PALM2AKAP2: variants seen among roughly 807,000 people sequenced by gnomAD.
PALM2AKAP2 encodes the protein PALM2 and AKAP2 fusion.
Under a neutral mutation model 71.5 loss-of-function variants are expected in PALM2AKAP2, and 37 were observed. The ratio of observed to expected loss-of-function variants is 0.52; its 90% confidence interval spans 0.40 to 0.68. PALM2AKAP2 has a LOEUF of 0.68. PALM2AKAP2 is among the 30% of genes least tolerant of loss of function. PALM2AKAP2 has a pLI of 0.00. For missense variants in PALM2AKAP2, 1,224 were observed against 1,191.8 expected, an observed-to-expected ratio of 1.03 and a Z score of -0.40; for synonymous variants, 468 against 478.8, an observed-to-expected ratio of 0.98 and a Z score of 0.29.
chr9:109,697,017 C>A (rs1439703228), intron 1 of PALM2AKAP2, among the ~76,000 whole-genome samples: 3 of 152,166 alleles, frequency 2.0e-5, no homozygotes, highest in Admixed American at 2.0e-4. Flanking sequence ...TAACTTTTCT[C>A]TCTGGTTTCT....
At chr9:109,962,123 A>C (rs1448476262) in intron 6 of PALM2AKAP2, among the ~76,000 whole-genome samples, 1 of 152,240 alleles carries the variant, frequency 6.6e-6, no homozygotes, top group Non-Finnish European at 1.5e-5. Flanking sequence ...GGTGCTGCCC[A>C]AGTCCTGAAC....
At chr9:109,929,501 G>C (rs1420183444) in intron 5 of PALM2AKAP2, among the ~76,000 whole-genome samples, 1 of 152,126 alleles carries the variant, frequency 6.6e-6, no homozygotes, top group African/African-American at 2.4e-5. Flanking sequence ...GTTCTGCCTT[G>C]TGCTGCTTTG....
At chr9:110,031,438 A>T (rs1833275618) in intron 7 of PALM2AKAP2, among the ~76,000 whole-genome samples, 1 of 152,124 alleles carries the variant, frequency 6.6e-6, no homozygotes, top group African/African-American at 2.4e-5. Flanking sequence ...CCAGAGTGTG[A>T]GTTTTGATCT....
chr9:109,830,247 G>A (rs1394077378), intron 1 of PALM2AKAP2, among the ~76,000 whole-genome samples: 2 of 152,144 alleles, frequency 1.3e-5, no homozygotes, highest in Admixed American at 6.5e-5. Flanking sequence ...GATTATAGAC[G>A]ATTTTTACTT....
chr9:110,037,578 A>G, intron 7 of PALM2AKAP2, among the ~76,000 whole-genome samples: 1 of 152,210 alleles, frequency 6.6e-6, no homozygotes, highest in East Asian at 1.9e-4. Context: ...AAAAGAGACC[A>G]GGTCTTGTAC....
chr9:109,829,804 A>C (rs970077365), intron 1 of PALM2AKAP2, among the ~76,000 whole-genome samples: 9 of 151,948 alleles, frequency 5.9e-5, no homozygotes, highest in African/African-American at 2.2e-4. Context: ...AAATCAGTCG[A>C]TCCTTCATTT....
intron 6 of PALM2AKAP2, among the ~76,000 whole-genome samples, chr9:109,984,696 CTT>C (rs35425431): frequency 0.02 from 2,729 of 136,674 alleles, 25 homozygotes; most frequent in African/African-American, 0.023. Context: ...AGCTCTATAA[CTT>C]TTTTTTTTTT....
chr9:109,780,184 C>A (rs1221022498), upstream of PALM2AKAP2: 12 of 678,400 alleles, frequency 1.8e-5, no homozygotes, highest in Non-Finnish European at 2.2e-5. Context: ...CGCGCCCTCC[C>A]GGCGGCTGCC....
chr9:109,760,120 C>CTAG (rs2118732563), intron 1 of PALM2AKAP2, among the ~76,000 whole-genome samples: 1 of 152,226 alleles, frequency 6.6e-6, no homozygotes, highest in East Asian at 1.9e-4. Context: ...TTTGCCTATT[C>CTAG]CAGAATGTTG....
intron 1 of PALM2AKAP2, among the ~76,000 whole-genome samples, chr9:110,055,170 G>GTT (rs34263454): frequency 1.8e-4 from 27 of 147,742 alleles, no homozygotes; most frequent in Admixed American, 2.7e-4. Context: ...TAGTTTTTTA[G>GTT]TTTTTTTTTT....
chr9:109,977,272 A>G (rs1056645927), intron 6 of PALM2AKAP2, among the ~76,000 whole-genome samples: 2 of 152,208 alleles, frequency 1.3e-5, no homozygotes, highest in Non-Finnish European at 2.9e-5. Flanking sequence ...CTTAGTATAT[A>G]GATCAGGATC....
chr9:109,878,997 A>G (rs899882611), intron 2 of PALM2AKAP2, among the ~76,000 whole-genome samples: 3 of 152,232 alleles, frequency 2.0e-5, no homozygotes, highest in Admixed American at 1.3e-4. Context: ...TTGGCCTCCC[A>G]AAGTGTTGGG....
chr9:109,674,463 G>A (rs1827620471), intron 1 of PALM2AKAP2, among the ~76,000 whole-genome samples: 1 of 151,984 alleles, frequency 6.6e-6, no homozygotes, highest in African/African-American at 2.4e-5. Flanking sequence ...TCTGAAGACT[G>A]TTGAACTTTC....
At chr9:110,161,716 A>G (rs1186857619) in intron 3 of PALM2AKAP2, among the ~76,000 whole-genome samples, 1 of 152,150 alleles carries the variant, frequency 6.6e-6, no homozygotes, top group African/African-American at 2.4e-5. Context: ...CGGGAAGAGA[A>G]AAGGCTATTT....
chr9:109,814,591 C>G (rs1827806170), intron 1 of PALM2AKAP2, among the ~76,000 whole-genome samples: 1 of 152,118 alleles, frequency 6.6e-6, no homozygotes, highest in African/African-American at 2.4e-5. Flanking sequence ...GATTCAAGGA[C>G]AGTGCAGTGG....
intron 3 of PALM2AKAP2, among the ~76,000 whole-genome samples, chr9:110,163,871 A>G (rs1836665211): frequency 6.6e-6 from 1 of 152,196 alleles, no homozygotes; most frequent in Non-Finnish European, 1.5e-5. Flanking sequence ...TTATGTACCT[A>G]TGGAAGAACC....
intron 1 of PALM2AKAP2, among the ~76,000 whole-genome samples, chr9:109,657,938 T>TTGTGTGTGTGTGTGTG (rs35984840): frequency 3.5e-5 from 5 of 142,540 alleles, no homozygotes; most frequent in African/African-American, 7.9e-5. Context: ...TTGTGTGTGT[T>TTGTGTGTGTGTGTGTG]TGTGTGTGTG....
chr9:109,655,298 CAAAAAAA>C (rs10598253), intron 1 of PALM2AKAP2, among the ~76,000 whole-genome samples: 1 of 110,414 alleles, frequency 9.1e-6, no homozygotes, highest in African/African-American at 3.6e-5. Flanking sequence ...GACTCGGTCT[CAAAAAAA>C]AAAAAAAAAA....
At chr9:109,901,392 G>A (rs889540633) in intron 3 of PALM2AKAP2, among the ~76,000 whole-genome samples, 3 of 152,168 alleles carry the variant, frequency 2.0e-5, no homozygotes, top group African/African-American at 4.8e-5. Flanking sequence ...ACATGAGTGT[G>A]GAAACAGGGA....
Sources: gnomAD v4.1 joint callset for allele counts (sites outside exome capture counted in the v4.1 genomes callset) on GRCh38, gnomAD v4.1.1 for gene constraint, MANE v1.5 for transcripts, NCBI Gene and HGNC (gene_info 2026-07-23, HGNC 2026-07-21) for gene names.